The following ALMS1 variants were observed in gnomAD, a reference collection of about 807,000 sequenced individuals.
The protein encoded by ALMS1 is centrosome-associated protein ALMS1.
A neutral mutation model predicts 352.2 loss-of-function variants in ALMS1; 271 were observed. The observed-to-expected ratio is 0.77, with a 90% CI of 0.70 to 0.85. The LOEUF (loss-of-function observed/expected upper bound fraction) is 0.85. Among genes scored for constraint, ALMS1 ranks in the 40% least tolerant of loss-of-function variants. The pLI is 0.00. For missense variants in ALMS1, 5,445 were observed against 4,870.7 expected, an observed-to-expected ratio of 1.12 and a Z score of -3.51; for synonymous variants, 1,865 against 1,761.2, an observed-to-expected ratio of 1.06 and a Z score of -1.48.
chr2:73,426,367 A>G, intron 5 of ALMS1, 86 bp from the exon 6 acceptor site: 1 of 1,331,524 alleles, frequency 7.5e-7, no homozygotes, highest in Non-Finnish European at 1.1e-6. Flanking sequence ...AAGCTGATAT[A>G]GGCCAAGGTG....
chr2:73,510,188 G>A (rs1332145912), intron 10 of ALMS1, among the ~76,000 whole-genome samples: 1 of 152,086 alleles, frequency 6.6e-6, no homozygotes, highest in East Asian at 1.9e-4. Flanking sequence ...GGAGAAGTTT[G>A]TTATTACCCA....
chr2:73,505,328 A>C lies in ALMS1; in HGVS notation c.9539+13830A>C, dbSNP rs202086123. Among the ~76,000 whole-genome samples, 8 of 152,344 alleles carry C rather than the reference A, an allele frequency of 5.3e-5. No individual in the cohort carries two copies. The East Asian group carries it at 1.5e-3, about 29-fold the overall frequency. On this transcript the variant is annotated intron_variant, in intron 10 of 22. Coordinates refer to ENST00000613296, the MANE Select transcript of ALMS1 (RefSeq NM_001378454.1). ...TTCCACAATGGTTGAACTAATTTAC[A>C]CTTCCACCAACAGCATAAAAGCATT...
rs186697506 is a variant in ALMS1 at position 73,600,130 on chromosome 2, G to T, written c.11669-548G>T. Among the ~76,000 whole-genome samples the T allele has an allele frequency of 1.3e-3, 194 of 152,274 alleles. 1 individual carries two copies. The highest frequency in any genetic ancestry group is 3.9e-3 in the African/African-American group (163 of 41,562). On this transcript the variant is annotated intron_variant, in intron 17 of 22. Transcript: ENST00000613296. ...TATGAATTTTTTTTAATAAAAGAAA[G>T]AAAGGAGGGAAGAGAATTGCTTAAA... is the stretch of plus-strand genomic sequence containing the variant.
At chr2:73,409,998 G>C (rs1240314536) in intron 2 of ALMS1, among the ~76,000 whole-genome samples, 1 of 152,200 alleles carries the variant, frequency 6.6e-6, no homozygotes, top group East Asian at 1.9e-4. Flanking sequence ...GCCTTTTGTT[G>C]TATTTAGGCC....
At chr2:73,402,270 CTTT>C (rs61360284) in intron 1 of ALMS1, among the ~76,000 whole-genome samples, 11 of 122,804 alleles carry the variant, frequency 9.0e-5, no homozygotes, top group Non-Finnish European at 1.0e-4. Flanking sequence ...TTCTCTCTCT[CTTT>C]TTTTTTTTTT....
At chr2:73,545,457 A>G (rs1482262829) in intron 12 of ALMS1, among the ~76,000 whole-genome samples, 1 of 152,162 alleles carries the variant, frequency 6.6e-6, no homozygotes, top group Non-Finnish European at 1.5e-5. Context: ...CTGGGACTAT[A>G]GGCGTGAGCC....
intron 5 of ALMS1, among the ~76,000 whole-genome samples, chr2:73,425,563 A>T (rs1227205344): frequency 6.6e-6 from 1 of 152,160 alleles, no homozygotes; most frequent in African/African-American, 2.4e-5. Flanking sequence ...AAAAATATTG[A>T]TGCTGCTGAA....
intron 9 of ALMS1, among the ~76,000 whole-genome samples, chr2:73,463,185 A>G (rs1045186010): frequency 1.1e-4 from 17 of 152,252 alleles, no homozygotes; most frequent in Non-Finnish European, 1.8e-4. Flanking sequence ...CACCTATTCC[A>G]AAACTGACCA....
At chr2:73,587,459 C>A (rs919110830) in intron 16 of ALMS1, among the ~76,000 whole-genome samples, 1 of 152,026 alleles carries the variant, frequency 6.6e-6, no homozygotes, top group East Asian at 1.9e-4. Context: ...CTTTCTATGC[C>A]GATTTTGCTG....
intron 11 of ALMS1, among the ~76,000 whole-genome samples, chr2:73,531,362 A>G (rs1673905861): frequency 6.6e-6 from 1 of 152,218 alleles, no homozygotes; most frequent in Non-Finnish European, 1.5e-5. Context: ...GGCAGGGGAA[A>G]ATTGCTGCCA....
At chr2:73,395,365 C>T (rs1670740029) in intron 1 of ALMS1, among the ~76,000 whole-genome samples, 1 of 151,850 alleles carries the variant, frequency 6.6e-6, no homozygotes, top group Admixed American at 6.6e-5. Context: ...AGGTGTGAGC[C>T]ACCATGCTGG....
chr2:73,469,224 CTAAAA>C (rs1179124427), intron 9 of ALMS1, among the ~76,000 whole-genome samples: 37 of 151,842 alleles, frequency 2.4e-4, no homozygotes, highest in African/African-American at 8.4e-4. Flanking sequence ...TACTTATACT[CTAAAA>C]TAAACCAAAC....
In ALMS1 at chr2:73,534,845, A is replaced by G. The variant is rs375515965; in HGVS notation, c.9803A>G (p.Tyr3268Cys). The G allele has an allele frequency of 3.2e-5, 51 of 1,613,522 alleles. No individual in the cohort carries two copies. The highest frequency in any genetic ancestry group is 4.2e-5 in the Non-Finnish European group (50 of 1,179,664). ...TTAGGCCAGCCTTTATTATTGCCAT[A>G]TAAGCCTTCTGGTAGTACCAAGATG... ...GTDGQPLLLP[Y>C]KPSGSTKMYY... is the part of the protein sequence containing the mutation. The change falls in exon 12 of 23, where the codon TAT (tyrosine) becomes TGT (cysteine). Residue 3268 changes from tyrosine to cysteine, a missense_variant. By Grantham distance (194) the Tyr-to-Cys change is radical (BLOSUM62 -2). Transcript: ENST00000613296.
rs2103895948 is a variant in ALMS1, at chr2:73,491,361, C to T, written c.9402C>T (p.Asp3134=). The T allele has an allele frequency of 6.2e-7, 1 of 1,614,162 alleles. No homozygotes were observed. Among genetic ancestry groups the T allele is most frequent in the Non-Finnish European group, 8.5e-7 (1 of 1,180,020 alleles). ...DFQVVQPSLP[D]SNTITQDLKT... ...AAGTCGTACAGCCTTCTCTTCCAGACAGTAACACTATTACTCAGGACTTGA... is the reference window on the plus strand; with the variant it reads ...AAGTCGTACAGCCTTCTCTTCCAGATAGTAACACTATTACTCAGGACTTGA... The change falls in exon 10 of 23, where the codon GAC becomes GAT. Residue 3134 remains aspartate, a synonymous_variant. Transcript: ENST00000613296.
intron 1 of ALMS1, among the ~76,000 whole-genome samples, 154 bp downstream of exon 1, chr2:73,386,346 GC>G (rs1476619261): frequency 6.6e-6 from 1 of 152,192 alleles, no homozygotes; most frequent in Admixed American, 6.5e-5. Flanking sequence ...CCAGGTGCCG[GC>G]CGGCTGCTCC....
Position 73,449,605 on chromosome 2 carries a change from T to C in ALMS1, c.3078T>C (p.Ala1026=), listed in dbSNP as rs750184722. ...CAGATAGTTATGCAACTGAAAAGGCTCTGAAAGTTTCAACTGGCCCTGGAC... is the reference window on the plus strand; with the variant it reads ...CAGATAGTTATGCAACTGAAAAGGCCCTGAAAGTTTCAACTGGCCCTGGAC... ...EWPDSYATEK[A]LKVSTGPGPA... Residue 1026 remains alanine, a synonymous_variant, in exon 8 of 23, where the codon GCT becomes GCC. Transcript: ENST00000613296. 1 of 1,614,036 alleles carries C rather than the reference T, an allele frequency of 6.2e-7. No homozygotes were observed. The highest frequency in any genetic ancestry group is 1.1e-5 in the South Asian group (1 of 91,080).
Position 73,573,270 on chromosome 2 carries a change from G to A in ALMS1, c.11393G>A (p.Arg3798Lys), listed in dbSNP as rs1006564458. The change falls in exon 16 of 23, where the codon AGA becomes AAA. Residue 3798 changes from arginine (R) to lysine (K), a missense_variant. Transcript: ENST00000613296. ...ARLIQAFGHERVCLSPRRIKL... is the reference protein window; with the variant it reads ...ARLIQAFGHEKVCLSPRRIKL... The stretch of plus-strand genomic sequence containing the variant: ...CTGATTCAAGCTTTTGGCCATGAAA[G>A]AGTATGCTTGTCACCCAGACGAATT... 2 of 1,613,918 alleles carry A rather than the reference G, an allele frequency of 1.2e-6. No individual in the cohort carries two copies. Among genetic ancestry groups the A allele is most frequent in the African/African-American group, 1.3e-5 (1 of 74,912 alleles).
chr2:73,485,588 G>A (rs1016121314), intron 9 of ALMS1, among the ~76,000 whole-genome samples: 1 of 152,332 alleles, frequency 6.6e-6, no homozygotes, highest in African/African-American at 2.4e-5. Flanking sequence ...TCCTTGAGCT[G>A]TGGTGGGCTC....
At position 73,598,644 on chromosome 2, in the gene ALMS1, T is replaced by A. The variant is rs1675604818; in HGVS notation, c.11548-757T>A. 3.9e-5 allele frequency among the ~76,000 whole-genome samples: 6 copies of A among 152,194 alleles called. No homozygotes were observed. The South Asian group carries it at 1.2e-3, about 32-fold the overall frequency. ...TAAGTAGAAAATTCCCTAACATTTATTCAAAATATAGATTACCAGACCCCT... is the reference window on the plus strand; with the variant it reads ...TAAGTAGAAAATTCCCTAACATTTAATCAAAATATAGATTACCAGACCCCT... On this transcript the variant is annotated intron_variant, in intron 16 of 22. Coordinates refer to ENST00000613296, the MANE Select transcript of ALMS1 (RefSeq NM_001378454.1).
Sources: gnomAD v4.1 joint callset for allele counts (sites outside exome capture counted in the v4.1 genomes callset) on GRCh38, gnomAD v4.1.1 for gene constraint, MANE v1.5 for transcripts, NCBI Gene and HGNC (gene_info 2026-07-23, HGNC 2026-07-21) for gene names.